Variants in SNX24 observed in about 807,000 individuals in gnomAD.
SNX24 encodes sorting nexin 24.
A neutral mutation model predicts 28.7 loss-of-function variants in SNX24; 22 were observed. That is an observed-to-expected ratio of 0.77 (90% CI 0.55 to 1.10). The LOEUF (loss-of-function observed/expected upper bound fraction) is 1.10, where lower values mean the gene tolerates loss of function less well. SNX24 is among the 50% of genes least tolerant of loss of function. The pLI, the probability that SNX24 is intolerant of heterozygous loss-of-function variation, is 0.00. For missense variants in SNX24, 221 were observed against 201.1 expected, an observed-to-expected ratio of 1.10 and a Z score of -0.60; for synonymous variants, 69 against 71.5, an observed-to-expected ratio of 0.96 and a Z score of 0.18.
At chr5:122,976,440 CAT>C (rs1761168052) in intron 3 of SNX24, among the ~76,000 whole-genome samples, 1 of 152,080 alleles carries the variant, frequency 6.6e-6, no homozygotes, top group South Asian at 2.1e-4. Context: ...AGACAAATAA[CAT>C]GAGTTTAGTA....
chr5:122,986,666 GA>G (rs1383332371), intron 3 of SNX24, among the ~76,000 whole-genome samples: 1 of 152,100 alleles, frequency 6.6e-6, no homozygotes, highest in Admixed American at 6.6e-5. Flanking sequence ...ATAAGAAAGG[GA>G]AACAGCATCG....
At chr5:123,000,035 G>T in intron 4 of SNX24, 29 bp downstream of exon 4, 1 of 1,398,522 alleles carries the variant, frequency 7.2e-7, no homozygotes. Context: ...TATTGGATGT[G>T]TATTTTAAAT....
chr5:122,949,293 A>G (rs1191261722), intron 3 of SNX24, among the ~76,000 whole-genome samples: 1 of 152,218 alleles, frequency 6.6e-6, no homozygotes, highest in Admixed American at 6.5e-5. Flanking sequence ...GAAAATAAAC[A>G]TATCATATTA....
chr5:122,949,902 T>G (rs1325371452), intron 3 of SNX24, among the ~76,000 whole-genome samples: 2 of 152,166 alleles, frequency 1.3e-5, no homozygotes, highest in Non-Finnish European at 2.9e-5. Context: ...GAAGTTATAT[T>G]TGGCATTTGA....
intron 1 of SNX24, among the ~76,000 whole-genome samples, chr5:122,913,465 C>T (rs1307718604): frequency 9.2e-5 from 14 of 151,758 alleles, no homozygotes; most frequent in Non-Finnish European, 1.9e-4. Flanking sequence ...CCCTTCCGGA[C>T]GGGGTGGCTG....
rs542669841 is a variant in SNX24 at position 122,892,790 on chromosome 5, A to G, written c.61-43944A>G. 6.7e-5 allele frequency among the ~76,000 whole-genome samples: 10 copies of G among 149,232 alleles called. No individual in the cohort carries two copies. In the South Asian group the frequency reaches 1.3e-3, roughly 19 times the overall value. On this transcript the variant is annotated intron_variant, in intron 1 of 6. Transcript: ENST00000261369. ...TAATTAATTTTTATTTTTTTCTGAG[A>G]TGGAGTCTCACTCTGTCACCCAGGC...
At chr5:122,887,977 C>T (rs1306592539) in intron 1 of SNX24, among the ~76,000 whole-genome samples, 2 of 152,214 alleles carry the variant, frequency 1.3e-5, no homozygotes, top group Non-Finnish European at 1.5e-5. Flanking sequence ...GCTGGGATTA[C>T]AGGCGTGAGC....
At chr5:123,024,378 G>A (rs1762819646) in intron 5 of SNX24, among the ~76,000 whole-genome samples, 1 of 152,170 alleles carries the variant, frequency 6.6e-6, no homozygotes, top group South Asian at 2.1e-4. Flanking sequence ...TTAACATGAA[G>A]TCTGAGTCAG....
At chr5:122,902,282 T>C (rs900002018) in intron 1 of SNX24, among the ~76,000 whole-genome samples, 4 of 152,186 alleles carry the variant, frequency 2.6e-5, no homozygotes. Flanking sequence ...CTTGTAGGTG[T>C]AGTGTAGTGC....
chr5:123,020,279 C>A (rs1418983081), intron 5 of SNX24, among the ~76,000 whole-genome samples: 1 of 151,798 alleles, frequency 6.6e-6, no homozygotes, highest in Admixed American at 6.6e-5. Context: ...AGAAATGTAC[C>A]CTAGAGAAAA....
At chr5:122,961,128 T>G (rs1177520113) in intron 3 of SNX24, among the ~76,000 whole-genome samples, 2 of 152,230 alleles carry the variant, frequency 1.3e-5, no homozygotes, top group African/African-American at 2.4e-5. Context: ...CTTTGAAAAT[T>G]TCTCCTTTAA....
chr5:122,964,765 A>G (rs562195836), intron 3 of SNX24, among the ~76,000 whole-genome samples: 1 of 152,258 alleles, frequency 6.6e-6, no homozygotes, highest in South Asian at 2.1e-4. Context: ...CCTCCATATT[A>G]TGTTGAAGAA....
At chr5:122,881,010 G>A (rs62377385) in intron 1 of SNX24, among the ~76,000 whole-genome samples, 23 of 152,142 alleles carry the variant, frequency 1.5e-4, no homozygotes, top group Non-Finnish European at 2.6e-4. Context: ...CTTGGCCTGC[G>A]ATTTGTCATG....
Position 123,008,078 on chromosome 5 carries a change from C to T in SNX24, c.*329C>T. 1 of 1,049,014 alleles carries T rather than the reference C, an allele frequency of 9.5e-7. No individual in the cohort carries two copies. Among genetic ancestry groups the T allele is most frequent in the Non-Finnish European group, 1.1e-6 (1 of 871,142 alleles). The allele number at this position is 1,049,014 out of a possible 1,614,324, so 65.0% of individuals were successfully genotyped here. The stretch of plus-strand genomic sequence containing the variant: ...ACAAAGCCACTCTCTGCTTCAGTCG[C>T]ACCATTTGCTAATTGAAAATCATAT... On this transcript the variant is annotated 3_prime_UTR_variant, in exon 7 of 7. Coordinates refer to ENST00000261369, the MANE Select transcript of SNX24 (RefSeq NM_014035.4).
At chr5:122,994,856 A>AT (rs891940348) in intron 3 of SNX24, among the ~76,000 whole-genome samples, 22 of 151,796 alleles carry the variant, frequency 1.4e-4, no homozygotes, top group South Asian at 2.1e-4. Flanking sequence ...AAGAAAAATA[A>AT]TTTTTTTTTG....
chr5:122,951,416 T>C (rs564284241), intron 3 of SNX24, among the ~76,000 whole-genome samples: 8 of 152,230 alleles, frequency 5.3e-5, no homozygotes, highest in African/African-American at 1.9e-4. Context: ...CTTTTACATC[T>C]AAAAATTTTA....
intron 5 of SNX24, among the ~76,000 whole-genome samples, chr5:123,026,441 A>G (rs1866107): frequency 0.18 from 26,852 of 152,186 alleles, 2,867 homozygotes; most frequent in East Asian, 0.49. Context: ...AGCATTCAAT[A>G]TATACCCACA....
intron 3 of SNX24, among the ~76,000 whole-genome samples, chr5:122,969,437 G>A (rs932360931): frequency 6.6e-6 from 1 of 151,754 alleles, no homozygotes; most frequent in African/African-American, 2.4e-5. Context: ...ACAGATATTG[G>A]TTTTCAAAAA....
At position 123,007,835 on chromosome 5, in the gene SNX24, A is replaced by G. The variant is rs1217953965; in HGVS notation, c.*86A>G. The G allele has an allele frequency of 1.3e-6, 2 of 1,554,558 alleles. No individual in the cohort carries two copies. Among genetic ancestry groups the G allele is most frequent in the Non-Finnish European group, 1.7e-6 (2 of 1,157,384 alleles). On this transcript the variant is annotated 3_prime_UTR_variant, in exon 7 of 7. Coordinates refer to ENST00000261369, the MANE Select transcript of SNX24 (RefSeq NM_014035.4). ...TACCTACCAATTTAACCTAAACGCT[A>G]TGATATATAACAGCTCTAGCTAGTG...
Sources: gnomAD v4.1 joint callset for allele counts (sites outside exome capture counted in the v4.1 genomes callset) on GRCh38, gnomAD v4.1.1 for gene constraint, MANE v1.5 for transcripts, NCBI Gene and HGNC (gene_info 2026-07-23, HGNC 2026-07-21) for gene names.